ZNF536: variants seen among roughly 807,000 people sequenced by gnomAD.
The protein encoded by ZNF536 is zinc finger protein 536.
In ZNF536, 13 loss-of-function variants were observed where a neutral mutation model predicts 84.5. The observed-to-expected ratio is 0.15, with a 90% confidence interval of 0.10 to 0.24. The LOEUF is 0.24. ZNF536 is among the 10% of genes least tolerant of loss of function. The pLI is 1.00. For missense variants in ZNF536, 1,536 were observed against 1,747.5 expected, an observed-to-expected ratio of 0.88 and a Z score of 2.16; for synonymous variants, 811 against 742.5, an observed-to-expected ratio of 1.09 and a Z score of -1.50.
intron 1 of ZNF536, among the ~76,000 whole-genome samples, chr19:30,654,147 C>A (rs1300954280): frequency 6.6e-6 from 1 of 152,292 alleles, no homozygotes; most frequent in Admixed American, 6.5e-5. Flanking sequence ...CATAAGAAGT[C>A]TCCCTGGCTG....
intron 1 of ZNF536, among the ~76,000 whole-genome samples, chr19:30,266,242 G>T (rs2025507510): frequency 6.6e-6 from 1 of 152,008 alleles, no homozygotes. Context: ...TAGAGAGGGG[G>T]TCTCACTTTG....
intron 2 of ZNF536, among the ~76,000 whole-genome samples, chr19:30,467,915 G>A (rs1190809813): frequency 1.3e-5 from 2 of 152,240 alleles, no homozygotes; most frequent in African/African-American, 2.4e-5. Flanking sequence ...AAGGCAAGCT[G>A]TGCCACAGCC....
rs140925588 is a variant in ZNF536 at position 30,444,831 on chromosome 19, C to A, written c.1269C>A (p.His423Gln). 1.2e-6 allele frequency: 2 copies of A among 1,613,758 alleles called. No individual in the cohort carries two copies. Among genetic ancestry groups the A allele is most frequent in the Non-Finnish European group, 1.7e-6 (2 of 1,180,030 alleles). The change falls in exon 2 of 5, where the codon CAC (histidine) becomes CAA (glutamine). Residue 423 changes from histidine (H) to glutamine (Q), a missense_variant. This residue lies in a region of ZNF536 where 366 missense variants were observed against 364.4 expected (regional missense o/e 1.00). Transcript: ENST00000355537. ...VPMGGMSQEA[H>Q]ANLYSRYLSC... ...TGGGCGGCATGTCCCAGGAGGCCCA[C>A]GCCAACCTGTACTCCAGGTACCTCT...
chr19:30,611,219 G>A (rs558444800), intron 1 of ZNF536, among the ~76,000 whole-genome samples: 5 of 152,280 alleles, frequency 3.3e-5, no homozygotes, highest in African/African-American at 9.6e-5. Context: ...ATGATGGGAA[G>A]CAGGAAGGAG....
Position 30,566,458 on chromosome 19 carries a change from C to A in ZNF536, c.169+16944C>A, listed in dbSNP as rs561297927. On this transcript the variant is annotated intron_variant, in intron 1 of 1. Coordinates refer to the ZNF536 transcript ENST00000592773. ...GATGAGAGTACAAATTAGCTTCTTA[C>A]ATTTCATCCTCATGAAAACCCAAGG... Among the ~76,000 whole-genome samples, 7 of 152,360 alleles carry A rather than the reference C, an allele frequency of 4.6e-5. No individual in the cohort carries two copies. In the East Asian group the frequency reaches 9.6e-4, roughly 21 times the overall value.
chr19:30,631,990 C>T (rs1203375876), intron 1 of ZNF536, among the ~76,000 whole-genome samples: 1 of 152,184 alleles, frequency 6.6e-6, no homozygotes, highest in African/African-American at 2.4e-5. Flanking sequence ...CTCTTGCCAC[C>T]TCCCCAAACC....
intron 1 of ZNF536, among the ~76,000 whole-genome samples, chr19:30,596,163 G>C (rs1439185324): frequency 1.3e-5 from 2 of 151,864 alleles, no homozygotes; most frequent in Non-Finnish European, 2.9e-5. Context: ...TTAAATAAAA[G>C]CCAATTTGAC....
intron 2 of ZNF536, among the ~76,000 whole-genome samples, chr19:30,317,849 C>A (rs765133004): frequency 7.2e-5 from 11 of 152,254 alleles, no homozygotes; most frequent in Non-Finnish European, 1.2e-4. Flanking sequence ...GCAGCAATTT[C>A]TTTTCTTGTT....
At chr19:30,389,817 C>T (rs2147315385) in intron 1 of ZNF536, among the ~76,000 whole-genome samples, 1 of 152,298 alleles carries the variant, frequency 6.6e-6, no homozygotes, top group South Asian at 2.1e-4. Context: ...CCTCCAGCTC[C>T]CTATCTTCCA....
At position 30,549,179 on chromosome 19, in the gene ZNF536, C is replaced by T. The variant is rs755234087; in HGVS notation, c.3560C>T (p.Pro1187Leu). The T allele has an allele frequency of 1.5e-5, 25 of 1,613,816 alleles. No homozygotes were observed. Among genetic ancestry groups the T allele is most frequent in the Middle Eastern group, 1.6e-4 (1 of 6,082 alleles). ...GATGAAGAGGATGTTGAAACCGAAC[C>T]GGAAATGATGACCAAGCCACTGTCT... ...NNDEEDVETE[P>L]EMMTKPLSAL... The change falls in exon 4 of 5, where the codon CCG (proline) becomes CTG (leucine). Residue 1187 changes from proline (P) to leucine (L), a missense_variant. Around this residue, in one of 8 missense-constraint regions of ZNF536, gnomAD observed 624 missense variants for 603.1 expected, o/e 1.03. Coordinates refer to ENST00000355537, the MANE Select transcript of ZNF536 (RefSeq NM_014717.3).
chr19:30,531,243 T>C (rs558624593), intron 2 of ZNF536, among the ~76,000 whole-genome samples: 2 of 152,344 alleles, frequency 1.3e-5, no homozygotes, highest in East Asian at 3.9e-4. Context: ...GATAGAAAGA[T>C]AAAAGGAAAA....
chr19:30,635,738 A>C (rs2049041301), intron 1 of ZNF536, among the ~76,000 whole-genome samples: 1 of 152,222 alleles, frequency 6.6e-6, no homozygotes, highest in Non-Finnish European at 1.5e-5. Context: ...CTGTGTAAAG[A>C]GGAGTTCCGG....
chr19:30,434,078 C>T (rs1282429752), intron 1 of ZNF536, among the ~76,000 whole-genome samples: 1 of 152,066 alleles, frequency 6.6e-6, no homozygotes, highest in Admixed American at 6.6e-5. Flanking sequence ...AAGGTCACAC[C>T]GATTCTAGTG....
chr19:30,381,599 C>T lies in ZNF536; in HGVS notation c.-3+9043C>T, dbSNP rs150574758. ...GATTTGGGGCTGGAGCATGAGGGAC[C>T]AGGGAGGTGAGATGGGAAATTAGGC... On this transcript the variant is annotated intron_variant, in intron 1 of 4. Transcript: ENST00000355537. 4.3e-3 allele frequency among the ~76,000 whole-genome samples: 649 copies of T among 152,214 alleles called. 14 individuals carry two copies. The highest frequency in any genetic ancestry group is 0.015 in the African/African-American group (632 of 41,542).
chr19:30,711,153 A>G (rs984794447), exon 2 of ZNF536: 3 of 145,678 alleles, frequency 2.1e-5, no homozygotes, highest in African/African-American at 7.4e-5. Context: ...AGATATCTAT[A>G]TATATATTAA....
intron 2 of ZNF536, among the ~76,000 whole-genome samples, chr19:30,314,808 A>C (rs1457195333): frequency 1.3e-4 from 20 of 151,830 alleles, no homozygotes; most frequent in Non-Finnish European, 4.4e-5. Flanking sequence ...GGGTGATCGC[A>C]CCCAACCCCT....
intron 4 of ZNF536, among the ~76,000 whole-genome samples, chr19:30,553,678 G>A (rs2045862696): frequency 6.6e-6 from 1 of 152,204 alleles, no homozygotes; most frequent in Admixed American, 6.5e-5. Flanking sequence ...CTGTAAGCAG[G>A]CTGAGGGCAG....
chr19:30,615,560 C>CT (rs895164267), intron 1 of ZNF536, among the ~76,000 whole-genome samples: 215 of 143,798 alleles, frequency 1.5e-3, no homozygotes, highest in South Asian at 6.1e-3. Context: ...CAGGCTTATT[C>CT]TTTTTTTTTT....
At chr19:30,230,742 A>G (rs2022973270) in intron 1 of ZNF536, among the ~76,000 whole-genome samples, 2 of 152,210 alleles carry the variant, frequency 1.3e-5, no homozygotes, top group African/African-American at 4.8e-5. Context: ...AGGTAACCAA[A>G]GAAATTTCCA....
Sources: gnomAD v4.1 joint callset for allele counts (sites outside exome capture counted in the v4.1 genomes callset) on GRCh38, gnomAD v4.1.1 for gene constraint, gnomAD v4.1.1 regional missense constraint, MANE v1.5 for transcripts, NCBI Gene and HGNC (gene_info 2026-07-23, HGNC 2026-07-21) for gene names.